ATAD2B: variants seen among roughly 807,000 people sequenced by gnomAD.
ATAD2B encodes the protein ATPase family AAA domain-containing protein 2B.
ATAD2B carries 40 observed loss-of-function variants against 167.6 expected under a neutral mutation model. The ratio of observed to expected loss-of-function variants is 0.24; its 90% CI spans 0.19 to 0.31. The LOEUF is 0.31. Among genes scored for constraint, ATAD2B ranks in the 10% least tolerant of loss-of-function variants. The pLI is 1.00. For missense variants in ATAD2B, 1,242 were observed against 1,757.2 expected (o/e 0.71, Z 5.24); for synonymous variants, 579 against 596.5 (o/e 0.97, Z 0.43).
intron 18 of ATAD2B, among the ~76,000 whole-genome samples, chr2:23,803,771 C>A (rs975522436): frequency 6.6e-6 from 1 of 152,144 alleles, no homozygotes; most frequent in Non-Finnish European, 1.5e-5. Flanking sequence ...ACAGTATAAA[C>A]AATATCAAGT....
At chr2:23,715,914 A>G in the ATAD2B span, among the ~76,000 whole-genome samples, 2 of 152,232 alleles carry the variant, frequency 1.3e-5, no homozygotes, top group African/African-American at 2.4e-5. Context: ...AATATGTGAC[A>G]TAAGTTCAGA....
intron 15 of ATAD2B, 102 bp downstream of exon 15, chr2:23,828,747 A>G: frequency 2.8e-6 from 2 of 709,146 alleles, no homozygotes; most frequent in East Asian, 5.3e-5. Context: ...TCTATTGCAC[A>G]ATCAAAAACA....
chr2:23,906,667 ACG>A (rs1309644611), intron 1 of ATAD2B, among the ~76,000 whole-genome samples: 3 of 152,040 alleles, frequency 2.0e-5, no homozygotes, highest in Admixed American at 2.0e-4. Flanking sequence ...ACAACCAAAA[ACG>A]AGAATTTTAG....
At chr2:23,911,114 G>C (rs577927713) in intron 1 of ATAD2B, among the ~76,000 whole-genome samples, 1 of 151,444 alleles carries the variant, frequency 6.6e-6, no homozygotes, top group Non-Finnish European at 1.5e-5. Context: ...CCAGCTACTC[G>C]GGAGGCTGAG....
At chr2:23,867,681 C>T (rs1203762859) in intron 10 of ATAD2B, among the ~76,000 whole-genome samples, 154 bp downstream of exon 10, 2 of 152,186 alleles carry the variant, frequency 1.3e-5, no homozygotes, top group African/African-American at 4.8e-5. Flanking sequence ...CTAAGCACCA[C>T]TTGTGGCTAG....
At chr2:23,888,666 G>GTATATTAAGTATA (rs1699038754) in intron 2 of ATAD2B, among the ~76,000 whole-genome samples, 1 of 152,040 alleles carries the variant, frequency 6.6e-6, no homozygotes. Flanking sequence ...CAAAAAAAAG[G>GTATATTAAGTATA]CTTAAGCTTA....
At chr2:23,886,971 T>C (rs1698764108) in intron 4 of ATAD2B, among the ~76,000 whole-genome samples, 1 of 147,168 alleles carries the variant, frequency 6.8e-6, no homozygotes, top group African/African-American at 2.5e-5. Context: ...GCTAACGTCT[T>C]AGCAATTTTT....
the ATAD2B span, chr2:23,703,934 A>G: frequency 6.9e-7 from 1 of 1,440,514 alleles, no homozygotes; most frequent in Non-Finnish European, 9.2e-7. Context: ...GACCACAATG[A>G]TTTCCTGCCA....
chr2:23,788,718 G>A, intron 19 of ATAD2B, 71 bp from the exon 20 acceptor site: 3 of 1,248,902 alleles, frequency 2.4e-6, no homozygotes, highest in Non-Finnish European at 3.3e-6. Flanking sequence ...ATACCAAATT[G>A]CAATGTCTTC....
At chr2:23,711,058 AG>A in the ATAD2B span, among the ~76,000 whole-genome samples, 1 of 152,178 alleles carries the variant, frequency 6.6e-6, no homozygotes, top group African/African-American at 2.4e-5. Flanking sequence ...GAAAACACTT[AG>A]AAAAGGGAAA....
the ATAD2B span, among the ~76,000 whole-genome samples, chr2:23,699,748 T>G: frequency 1.3e-5 from 2 of 152,176 alleles, no homozygotes; most frequent in African/African-American, 4.8e-5. Context: ...CATAACACAC[T>G]GGCCCCACCA....
At chr2:23,837,351 A>C (rs1690163285) in intron 13 of ATAD2B, among the ~76,000 whole-genome samples, 1 of 152,176 alleles carries the variant, frequency 6.6e-6, no homozygotes, top group Non-Finnish European at 1.5e-5. Context: ...CAGGCCCCCC[A>C]GAGTGCAGGA....
intron 22 of ATAD2B, among the ~76,000 whole-genome samples, chr2:23,782,327 A>G (rs1680188051): frequency 6.6e-6 from 1 of 152,200 alleles, no homozygotes; most frequent in African/African-American, 2.4e-5. Flanking sequence ...AAATCACCTC[A>G]TTTTGTTTTA....
rs1675346197 is a variant in ATAD2B, at chr2:23,751,477, G to A, written c.*569C>T. ...CTTATCTTCCTCAAATGAATAAAAA[G>A]GCACGTTAAAGGCAGTTCTAAAGAG... On this transcript the variant is annotated 3_prime_UTR_variant, in exon 28 of 28. Coordinates refer to ENST00000238789, the MANE Select transcript of ATAD2B (RefSeq NM_017552.4). 1 of 152,100 alleles carries A rather than the reference G, an allele frequency of 6.6e-6. No homozygotes were observed. The highest frequency in any genetic ancestry group is 6.6e-5 in the Admixed American group (1 of 15,246). The allele number at this position is 152,100 out of a possible 1,614,324, so 9.4% of individuals were successfully genotyped here.
chr2:23,768,158 TATA>T (rs774519748), intron 22 of ATAD2B, among the ~76,000 whole-genome samples: 3 of 152,176 alleles, frequency 2.0e-5, no homozygotes, highest in Admixed American at 6.5e-5. Context: ...ATAATAGACA[TATA>T]ATAAGTTGCT....
chr2:23,913,640 GAAAA>G (rs1425105055), intron 1 of ATAD2B, among the ~76,000 whole-genome samples: 27 of 94,802 alleles, frequency 2.8e-4, no homozygotes, highest in African/African-American at 1.1e-3. Context: ...ACTCTCTTGA[GAAAA>G]AAAAAAAAAA....
At chr2:23,901,591 AAAC>A (rs1354676370) in intron 1 of ATAD2B, among the ~76,000 whole-genome samples, 7 of 152,172 alleles carry the variant, frequency 4.6e-5, no homozygotes, top group Non-Finnish European at 8.8e-5. Flanking sequence ...TAACAAGGAA[AAAC>A]AACAAACAAA....
At chr2:23,716,721 T>C in the ATAD2B span, among the ~76,000 whole-genome samples, 1 of 152,218 alleles carries the variant, frequency 6.6e-6, no homozygotes, top group African/African-American at 2.4e-5. Context: ...ACTGCAATCC[T>C]AACTTAATTC....
intron 13 of ATAD2B, among the ~76,000 whole-genome samples, chr2:23,840,771 C>T (rs62125903): frequency 0.022 from 3,362 of 152,210 alleles, 48 homozygotes; most frequent in Non-Finnish European, 0.03. Flanking sequence ...GATTTTTTTG[C>T]TCAGCCTGAT....
Sources: gnomAD v4.1 joint callset for allele counts (sites outside exome capture counted in the v4.1 genomes callset) on GRCh38, gnomAD v4.1.1 for gene constraint, MANE v1.5 for transcripts, NCBI Gene and HGNC (gene_info 2026-07-23, HGNC 2026-07-21) for gene names.